The following NRXN1 variants were observed in gnomAD, a reference collection of about 807,000 sequenced individuals.
NRXN1 encodes the protein neurexin-1.
NRXN1 carries 39 observed loss-of-function variants against 150.9 expected under a neutral mutation model. The ratio of observed to expected loss-of-function variants is 0.26; its 90% CI spans 0.20 to 0.34. The LOEUF (loss-of-function observed/expected upper bound fraction) is 0.34. Among genes scored for constraint, NRXN1 ranks in the 10% least tolerant of loss-of-function variants. The pLI is 1.00. For missense variants in NRXN1, 1,815 were observed against 1,949.9 expected (o/e 0.93, Z 1.30); for synonymous variants, 924 against 757.0 (o/e 1.22, Z -3.62).
chr2:50,153,481 T>C (rs2058820243), intron 18 of NRXN1, among the ~76,000 whole-genome samples: 1 of 151,624 alleles, frequency 6.6e-6, no homozygotes, highest in Non-Finnish European at 1.5e-5. Flanking sequence ...AGGATTGCTG[T>C]TTTTTGGTTT....
intron 21 of NRXN1, among the ~76,000 whole-genome samples, chr2:49,995,780 CAAAAAAAAA>C (rs1163315598): frequency 2.7e-5 from 1 of 36,374 alleles, no homozygotes; most frequent in African/African-American, 9.7e-5. Context: ...GACTCCGTCT[CAAAAAAAAA>C]AAAAAAAAAA....
At chr2:50,790,548 G>A (rs887296417) in intron 5 of NRXN1, among the ~76,000 whole-genome samples, 2 of 152,182 alleles carry the variant, frequency 1.3e-5, no homozygotes, top group African/African-American at 2.4e-5. Context: ...TTGAACCTGG[G>A]AGAGAGAGGT....
intron 18 of NRXN1, among the ~76,000 whole-genome samples, chr2:50,104,844 G>T (rs1472204292): frequency 5.9e-5 from 9 of 151,846 alleles, no homozygotes; most frequent in Non-Finnish European, 1.3e-4. Flanking sequence ...TATTAATAAG[G>T]CTCTTTGAAA....
At chr2:50,789,582 C>T (rs866251512) in intron 5 of NRXN1, among the ~76,000 whole-genome samples, 7 of 152,258 alleles carry the variant, frequency 4.6e-5, no homozygotes, top group African/African-American at 9.6e-5. Context: ...TGTTAATGAA[C>T]GGAAGCTTTG....
At chr2:50,165,261 G>T (rs2059607314) in intron 18 of NRXN1, among the ~76,000 whole-genome samples, 1 of 152,200 alleles carries the variant, frequency 6.6e-6, no homozygotes, top group South Asian at 2.1e-4. Flanking sequence ...GACATTAGCT[G>T]CTTATAGAAA....
At chr2:50,140,958 T>G (rs1398762646) in intron 18 of NRXN1, among the ~76,000 whole-genome samples, 1 of 152,112 alleles carries the variant, frequency 6.6e-6, no homozygotes, top group Non-Finnish European at 1.5e-5. Context: ...TGTATATACG[T>G]ATAATTTTCT....
chr2:50,250,952 A>C (rs1252997030), intron 17 of NRXN1, among the ~76,000 whole-genome samples: 1 of 151,200 alleles, frequency 6.6e-6, no homozygotes, highest in African/African-American at 2.4e-5. Context: ...CATATGGCAT[A>C]TGTAATAAAT....
intron 21 of NRXN1, among the ~76,000 whole-genome samples, chr2:49,978,714 C>CA (rs60622757): frequency 0.33 from 40,532 of 122,816 alleles, 6,709 homozygotes; most frequent in East Asian, 0.5. Context: ...AGAGAGGCCA[C>CA]AAAAAAAAAA....
chr2:49,949,834 A>G lies in NRXN1; in HGVS notation c.4129-6043T>C, dbSNP rs113143652. On this transcript the variant is annotated intron_variant, in intron 21 of 22. Coordinates refer to ENST00000401669, the MANE Select transcript of NRXN1 (RefSeq NM_001330078.2). ...TGGGTCGAGGACAGTGCTGGCTGAA[A>G]TATGATATCTTTGGTTAACTGATGG... Among the ~76,000 whole-genome samples the G allele has an allele frequency of 5.7e-3, 867 of 151,982 alleles. 6 individuals carry two copies. The highest frequency in any genetic ancestry group is 0.02 in the African/African-American group (839 of 41,528).
In NRXN1 at chr2:50,037,958, C is replaced by G. The variant is rs146015871; in HGVS notation, c.4128+15313G>C. 2.6e-3 allele frequency among the ~76,000 whole-genome samples: 403 copies of G among 152,220 alleles called. 16 individuals carry two copies. The East Asian group carries it at 0.063, about 24-fold the overall frequency. On this transcript the variant is annotated intron_variant, in intron 21 of 22. Transcript: ENST00000401669. ...CAGATTAATTGCGGCCATAGAAAAGCCTTCTCATCTGTCATTTGAATGTGA... is the reference window on the plus strand; with the variant it reads ...CAGATTAATTGCGGCCATAGAAAAGGCTTCTCATCTGTCATTTGAATGTGA...
At chr2:50,037,781 G>A (rs576735913) in intron 21 of NRXN1, among the ~76,000 whole-genome samples, 8 of 152,294 alleles carry the variant, frequency 5.3e-5, no homozygotes, top group African/African-American at 1.4e-4. Flanking sequence ...TCAGGGTTGT[G>A]TAAGTGCAAT....
intron 5 of NRXN1, among the ~76,000 whole-genome samples, chr2:50,794,441 T>A (rs996446041): frequency 2.6e-5 from 4 of 152,082 alleles, no homozygotes; most frequent in African/African-American, 9.7e-5. Context: ...TCTAAATATC[T>A]CCCACTCAAC....
rs539759371 is a variant in NRXN1 at position 50,683,222 on chromosome 2, C to T, written c.833-59607G>A. Among the ~76,000 whole-genome samples the T allele has an allele frequency of 2.0e-4, 31 of 152,054 alleles. No individual in the cohort carries two copies. In the South Asian group the frequency reaches 5.2e-3, roughly 25 times the overall value. Reference sequence around the variant, plus strand: ...TTTAATTTTCTGCTATTTGGCATGACGAACCACAGAGGATCAGAGGCAAAC... The same window carrying T: ...TTTAATTTTCTGCTATTTGGCATGATGAACCACAGAGGATCAGAGGCAAAC... On this transcript the variant is annotated intron_variant, in intron 5 of 22. Transcript: ENST00000401669.
At chr2:50,579,919 T>C (rs1672001620) in intron 8 of NRXN1, among the ~76,000 whole-genome samples, 1 of 152,176 alleles carries the variant, frequency 6.6e-6, no homozygotes, top group African/African-American at 2.4e-5. Flanking sequence ...AAGGGTTATA[T>C]TTTCTGATGG....
intron 21 of NRXN1, among the ~76,000 whole-genome samples, chr2:50,036,753 G>A (rs1050071584): frequency 2.0e-5 from 3 of 152,138 alleles, no homozygotes; most frequent in African/African-American, 2.4e-5. Flanking sequence ...TGAGCCTCAA[G>A]AGGCTTTGCA....
chr2:50,418,383 C>T (rs2083712448), intron 17 of NRXN1, among the ~76,000 whole-genome samples: 1 of 152,056 alleles, frequency 6.6e-6, no homozygotes, highest in Admixed American at 6.6e-5. Context: ...CCTCCCCCAA[C>T]ACACACAGCT....
chr2:50,829,674 C>A, intron 5 of NRXN1: 1 of 1,610,986 alleles, frequency 6.2e-7, no homozygotes, highest in South Asian at 1.1e-5. Context: ...AACAGGCTGA[C>A]ACAGCGGAGC....
intron 17 of NRXN1, among the ~76,000 whole-genome samples, chr2:50,450,701 G>T (rs780952242): frequency 2.0e-5 from 3 of 152,064 alleles, no homozygotes; most frequent in African/African-American, 2.4e-5. Flanking sequence ...ATGCTTTCAC[G>T]CTGTTTCTCA....
intron 17 of NRXN1, among the ~76,000 whole-genome samples, chr2:50,317,222 C>A (rs2075680375): frequency 6.6e-6 from 1 of 151,862 alleles, no homozygotes; most frequent in African/African-American, 2.4e-5. Context: ...ACTCACAATT[C>A]TACATAATTG....
Sources: allele counts gnomAD v4.1 joint callset (sites outside exome capture counted in the v4.1 genomes callset), GRCh38; gene constraint gnomAD v4.1.1; transcripts MANE v1.5; gene names NCBI Gene and HGNC (gene_info 2026-07-23, HGNC 2026-07-21).